Variants in STK39 observed in about 807,000 individuals in gnomAD.
STK39 encodes the protein STE20/SPS1-related proline-alanine-rich protein kinase.
In STK39, 20 loss-of-function variants were observed where a neutral mutation model predicts 77.8. The ratio of observed to expected loss-of-function variants is 0.26; its 90% CI spans 0.18 to 0.37. The LOEUF is 0.37. Ranked by LOEUF, STK39 falls within the 10% of genes least tolerant of loss-of-function variation. The pLI, the probability that STK39 is intolerant of heterozygous loss-of-function variation, is 1.00. For synonymous variants in STK39, 246 were observed against 234.1 expected, an observed-to-expected ratio of 1.05 and a Z score of -0.47; for missense variants, 479 against 656.5, an observed-to-expected ratio of 0.73 and a Z score of 2.95.
At chr2:168,070,210 G>GC (rs1045169046) in intron 12 of STK39, among the ~76,000 whole-genome samples, 7 of 152,068 alleles carry the variant, frequency 4.6e-5, no homozygotes, top group African/African-American at 1.7e-4. Context: ...AAAGCATCCA[G>GC]CTAGCGAGCT....
intron 10 of STK39, among the ~76,000 whole-genome samples, chr2:168,126,953 C>T (rs1461363950): frequency 1.3e-5 from 2 of 152,090 alleles, no homozygotes; most frequent in African/African-American, 2.4e-5. Context: ...CTGAGCTGTG[C>T]GGCCACCTTG....
intron 1 of STK39, among the ~76,000 whole-genome samples, chr2:168,222,207 A>G (rs1391531317): frequency 6.6e-6 from 1 of 152,180 alleles, no homozygotes; most frequent in African/African-American, 2.4e-5. Flanking sequence ...TCTCCCTGCT[A>G]TAATGAACTG....
chr2:167,989,178 C>A (rs1032208691), intron 16 of STK39, among the ~76,000 whole-genome samples: 1 of 152,134 alleles, frequency 6.6e-6, no homozygotes, highest in Admixed American at 6.5e-5. Context: ...GTGGTCTGTA[C>A]GCACCTGGGG....
At chr2:168,231,545 G>A (rs999560618) in intron 1 of STK39, among the ~76,000 whole-genome samples, 8 of 151,764 alleles carry the variant, frequency 5.3e-5, no homozygotes, top group African/African-American at 1.9e-4. Context: ...GCAAGAACAT[G>A]TTTTTCACTG....
At chr2:168,103,784 T>C (rs991882631) in intron 10 of STK39, among the ~76,000 whole-genome samples, 5 of 152,246 alleles carry the variant, frequency 3.3e-5, no homozygotes, top group Non-Finnish European at 5.9e-5. Context: ...AACATTTCTG[T>C]AAACTTTCTT....
chr2:168,032,076 T>G (rs1486131186), intron 14 of STK39, among the ~76,000 whole-genome samples: 1 of 152,166 alleles, frequency 6.6e-6, no homozygotes, highest in Non-Finnish European at 1.5e-5. Context: ...CACCTGAAGT[T>G]TGCCAAAAGT....
At chr2:168,012,594 A>G (rs778159204) in intron 16 of STK39, 40 bp downstream of exon 16, 1 of 1,545,046 alleles carries the variant, frequency 6.5e-7, no homozygotes. Flanking sequence ...TCCATTTTAT[A>G]TACCAACAAA....
At chr2:168,051,266 T>C (rs1685387752) in intron 14 of STK39, among the ~76,000 whole-genome samples, 1 of 152,016 alleles carries the variant, frequency 6.6e-6, no homozygotes, top group South Asian at 2.1e-4. Flanking sequence ...AGGTGGAATA[T>C]AAAAAAGGAT....
At chr2:168,140,814 T>C (rs762577802) in intron 5 of STK39, 56 bp from the exon 6 acceptor site, 122 of 1,389,574 alleles carry the variant, frequency 8.8e-5, no homozygotes, top group Non-Finnish European at 1.1e-4. Flanking sequence ...TGCTTATAAA[T>C]TGTGATTTTT....
intron 16 of STK39, among the ~76,000 whole-genome samples, chr2:168,008,712 A>G (rs1313881037): frequency 6.6e-6 from 1 of 152,160 alleles, no homozygotes; most frequent in Non-Finnish European, 1.5e-5. Context: ...ACACATCAAG[A>G]TTTATAGGTT....
intron 5 of STK39, among the ~76,000 whole-genome samples, chr2:168,145,206 T>C (rs1268420537): frequency 1.3e-5 from 2 of 152,082 alleles, no homozygotes; most frequent in African/African-American, 4.8e-5. Flanking sequence ...AGCACAAGTG[T>C]GGAGCCAAGA....
intron 14 of STK39, among the ~76,000 whole-genome samples, chr2:168,020,586 A>G (rs11681460): frequency 0.24 from 36,036 of 151,188 alleles, 4,888 homozygotes; most frequent in East Asian, 0.41. Context: ...ATACACATAC[A>G]TACATATGCA....
At position 168,174,739 on chromosome 2, in the gene STK39, G is replaced by A. The variant is rs143202966; in HGVS notation, c.321+7239C>T. ...ATGGCCGGCCTGGTAGCATGCACCT[G>A]TAATGACAACTACTCACCAAGCTGA... On this transcript the variant is annotated intron_variant, in intron 2 of 17. Coordinates refer to ENST00000355999, the MANE Select transcript of STK39 (RefSeq NM_013233.3). Among the ~76,000 whole-genome samples the A allele has an allele frequency of 8.4e-3, 1,258 of 150,292 alleles. 63 individuals are homozygous for A. The highest frequency in any genetic ancestry group is 0.077 in the Admixed American group (1,157 of 14,980).
At chr2:168,178,872 C>T (rs10221681) in intron 2 of STK39, among the ~76,000 whole-genome samples, 41,903 of 151,950 alleles carry the variant, frequency 0.28, 6,645 homozygotes, top group East Asian at 0.56. Flanking sequence ...GGACCAGTTG[C>T]CTAAAACTGT....
At chr2:168,221,083 G>A (rs137983651) in intron 1 of STK39, among the ~76,000 whole-genome samples, 2 of 152,282 alleles carry the variant, frequency 1.3e-5, no homozygotes, top group East Asian at 3.9e-4. Flanking sequence ...AGGCAGGCAA[G>A]TGAACACATG....
chr2:168,203,923 G>A (rs867714874), intron 1 of STK39, among the ~76,000 whole-genome samples: 2 of 152,222 alleles, frequency 1.3e-5, no homozygotes, highest in Non-Finnish European at 2.9e-5. Context: ...ACTTAAAATG[G>A]TGTTGACGTG....
At chr2:168,180,280 G>A (rs1689052978) in intron 2 of STK39, among the ~76,000 whole-genome samples, 1 of 152,124 alleles carries the variant, frequency 6.6e-6, no homozygotes, top group Non-Finnish European at 1.5e-5. Flanking sequence ...CCAGGAGGCG[G>A]AGGTTGCAGT....
At chr2:168,216,761 C>T (rs1690034571) in intron 1 of STK39, among the ~76,000 whole-genome samples, 1 of 152,218 alleles carries the variant, frequency 6.6e-6, no homozygotes, top group South Asian at 2.1e-4. Flanking sequence ...ACCGCCACAC[C>T]TCTTAGGCAT....
intron 16 of STK39, among the ~76,000 whole-genome samples, chr2:167,984,683 A>G (rs1236942514): frequency 6.6e-6 from 1 of 152,210 alleles, no homozygotes; most frequent in Non-Finnish European, 1.5e-5. Flanking sequence ...AGGAAAACAT[A>G]AAATTTTGGC....
Sources: allele counts gnomAD v4.1 joint callset (sites outside exome capture counted in the v4.1 genomes callset), GRCh38; gene constraint gnomAD v4.1.1; transcripts MANE v1.5; gene names NCBI Gene and HGNC (gene_info 2026-07-23, HGNC 2026-07-21).